SLC16A10: variants seen among roughly 807,000 people sequenced by gnomAD.
SLC16A10 encodes monocarboxylate transporter 10.
In SLC16A10, 27 loss-of-function variants were observed where a neutral mutation model predicts 40.0. That is an observed-to-expected ratio of 0.67 (90% CI 0.50 to 0.93). SLC16A10 has a LOEUF of 0.93. SLC16A10 is among the 40% of genes least tolerant of loss of function. SLC16A10 has a pLI of 0.00. For synonymous variants in SLC16A10, 213 were observed against 249.8 expected (o/e 0.85, Z 1.39); for missense variants, 529 against 658.2 (o/e 0.80, Z 2.15).
At chr6:111,215,785 G>A (rs1260515552) in intron 4 of SLC16A10, among the ~76,000 whole-genome samples, 4 of 152,180 alleles carry the variant, frequency 2.6e-5, no homozygotes, top group Non-Finnish European at 5.9e-5. Flanking sequence ...CAAGTAGTTT[G>A]TTTGAGCCCG....
At chr6:111,181,603 T>G (rs1172288281) in intron 3 of SLC16A10, among the ~76,000 whole-genome samples, 1 of 152,214 alleles carries the variant, frequency 6.6e-6, no homozygotes, top group Non-Finnish European at 1.5e-5. Context: ...CTTACCAGTT[T>G]AGGTCTTTGA....
chr6:111,091,041 T>G (rs2114422275), intron 1 of SLC16A10, among the ~76,000 whole-genome samples: 1 of 152,336 alleles, frequency 6.6e-6, no homozygotes, highest in East Asian at 1.9e-4. Context: ...GCACTTTAGA[T>G]GCGTTCCTAT....
chr6:111,189,767 C>A (rs1451188997), intron 3 of SLC16A10, among the ~76,000 whole-genome samples: 1 of 152,086 alleles, frequency 6.6e-6, no homozygotes, highest in African/African-American at 2.4e-5. Flanking sequence ...ACGAGAATAG[C>A]ACAAGAAAAA....
intron 3 of SLC16A10, among the ~76,000 whole-genome samples, chr6:111,195,444 A>G (rs1773064238): frequency 6.6e-6 from 1 of 152,218 alleles, no homozygotes; most frequent in African/African-American, 2.4e-5. Flanking sequence ...GTTGTACAAC[A>G]ATGTAAATGT....
At chr6:111,117,619 C>T (rs1476548600) in intron 1 of SLC16A10, among the ~76,000 whole-genome samples, 1 of 152,128 alleles carries the variant, frequency 6.6e-6, no homozygotes, top group Non-Finnish European at 1.5e-5. Flanking sequence ...TTTCTTTTCT[C>T]TATACTTCTT....
At chr6:111,128,530 G>T (rs1186506406) in intron 1 of SLC16A10, among the ~76,000 whole-genome samples, 1 of 152,086 alleles carries the variant, frequency 6.6e-6, no homozygotes, top group African/African-American at 2.4e-5. Context: ...CACACTGGTT[G>T]GTTTGAAGAA....
At chr6:111,139,453 C>G (rs548842618) in intron 1 of SLC16A10, among the ~76,000 whole-genome samples, 29 of 152,214 alleles carry the variant, frequency 1.9e-4, no homozygotes, top group African/African-American at 7.0e-4. Flanking sequence ...AGGCGCGTGC[C>G]ACCACATCCA....
At chr6:111,117,213 A>G (rs1176479093) in intron 1 of SLC16A10, among the ~76,000 whole-genome samples, 1 of 151,982 alleles carries the variant, frequency 6.6e-6, no homozygotes, top group Non-Finnish European at 1.5e-5. Flanking sequence ...TTAGCCCAGC[A>G]TGGTGTTGGG....
chr6:111,181,054 A>G (rs1772781461), intron 3 of SLC16A10, among the ~76,000 whole-genome samples: 1 of 151,688 alleles, frequency 6.6e-6, no homozygotes, highest in African/African-American at 2.4e-5. Flanking sequence ...GTCTCTACTA[A>G]AAGTACAAAA....
intron 4 of SLC16A10, among the ~76,000 whole-genome samples, chr6:111,206,998 T>C (rs1773265781): frequency 6.6e-6 from 1 of 152,134 alleles, no homozygotes; most frequent in South Asian, 2.1e-4. Flanking sequence ...CAGGCTAATT[T>C]TTGTATTTTT....
At chr6:111,214,432 G>T (rs998625070) in intron 4 of SLC16A10, among the ~76,000 whole-genome samples, 2 of 152,202 alleles carry the variant, frequency 1.3e-5, no homozygotes, top group East Asian at 1.9e-4. Flanking sequence ...TTATTCTGGG[G>T]AGTGATGAAG....
At chr6:111,220,772 C>A (rs1770875027) in intron 5 of SLC16A10, among the ~76,000 whole-genome samples, 1 of 152,208 alleles carries the variant, frequency 6.6e-6, no homozygotes, top group Admixed American at 6.5e-5. Flanking sequence ...AGTTTTGCTA[C>A]CAGAAGTGAC....
Position 111,088,225 on chromosome 6 carries a change from G to A in SLC16A10, c.343+130G>A, listed in dbSNP as rs1184390118. 11 of 905,364 alleles carry A rather than the reference G, an allele frequency of 1.2e-5. No homozygotes were observed. In the African/African-American group the frequency reaches 1.2e-4, roughly 10 times the overall value. The allele number at this position is 905,364 out of a possible 1,614,324, so 56.1% of individuals were successfully genotyped here. A position where few individuals can be genotyped will look rare whatever the true frequency, so the allele number is the denominator to read the frequency against. On this transcript the variant is annotated intron_variant, in intron 1 of 5. Transcript: ENST00000368851. ...GTCCCTGTGCCAGAGGGTGCGAGCAGGGGGGTCTTTCGAGTTGCAGACAGA... is the reference window on the plus strand; with the variant it reads ...GTCCCTGTGCCAGAGGGTGCGAGCAAGGGGGTCTTTCGAGTTGCAGACAGA...
chr6:111,168,384 T>C (rs1427864254), intron 1 of SLC16A10, among the ~76,000 whole-genome samples: 2 of 152,248 alleles, frequency 1.3e-5, no homozygotes, highest in African/African-American at 4.8e-5. Flanking sequence ...TACTACCTTA[T>C]AGAATTTTGG....
intron 3 of SLC16A10, among the ~76,000 whole-genome samples, chr6:111,186,251 A>G (rs1327018207): frequency 6.6e-6 from 1 of 152,118 alleles, no homozygotes; most frequent in Non-Finnish European, 1.5e-5. Flanking sequence ...GTTTTATTTG[A>G]TAAAATGCAG....
chr6:111,229,985 TG>T lies in SLC16A10; in HGVS notation c.*7751del, dbSNP rs1771077820. The T allele has an allele frequency of 2.1e-5, 2 of 95,408 alleles. No homozygotes were observed. Among genetic ancestry groups the T allele is most frequent in the Non-Finnish European group, 4.0e-5 (2 of 49,678 alleles). 5.9% of individuals were successfully genotyped at this position (95,408 alleles called of 1,614,324 possible). Reference sequence around the variant, plus strand: ...AATGACAGGTTTCTTTTTCTTTCTTTGTTTCTTTTTTTTTTTTTTTTTTGAG... The same window carrying T: ...AATGACAGGTTTCTTTTTCTTTCTTTTTTCTTTTTTTTTTTTTTTTTTGAG... On this transcript the variant is annotated 3_prime_UTR_variant, in exon 6 of 6. Coordinates refer to ENST00000368851, the MANE Select transcript of SLC16A10 (RefSeq NM_018593.5).
At position 111,205,416 on chromosome 6, in the gene SLC16A10, T is replaced by A. The variant is rs1273868134; in HGVS notation, c.943-1176T>A. Among the ~76,000 whole-genome samples the A allele has an allele frequency of 2.0e-5, 3 of 152,158 alleles. No homozygotes were observed. In the East Asian group the frequency reaches 5.8e-4, roughly 29 times the overall value. ...TATGGAAAGGTCAAACAAAATATGC[T>A]CACTGGCTATCTATGGCCCACAGGT... On this transcript the variant is annotated intron_variant, in intron 3 of 5. Transcript: ENST00000368851.
chr6:111,109,727 C>T (rs1298445611), intron 1 of SLC16A10, among the ~76,000 whole-genome samples: 7 of 152,104 alleles, frequency 4.6e-5, no homozygotes, highest in African/African-American at 7.2e-5. Context: ...GTTGGGGTTA[C>T]AAGTGTGAGC....
At chr6:111,172,641 A>G in intron 1 of SLC16A10, 54 bp from the exon 2 acceptor site, 1 of 1,581,358 alleles carries the variant, frequency 6.3e-7, no homozygotes, top group South Asian at 1.2e-5. Context: ...TGGAATAAAT[A>G]CAAATATAAC....
Sources: allele counts gnomAD v4.1 joint callset (sites outside exome capture counted in the v4.1 genomes callset), GRCh38; gene constraint gnomAD v4.1.1; transcripts MANE v1.5; gene names NCBI Gene and HGNC (gene_info 2026-07-23, HGNC 2026-07-21).